The following CDK5RAP1 variants were observed in gnomAD, a reference collection of about 807,000 sequenced individuals.
CDK5RAP1 encodes the protein mitochondrial tRNA methylthiotransferase CDK5RAP1.
Under a neutral mutation model 64.5 loss-of-function variants are expected in CDK5RAP1, and 62 were observed. The ratio of observed to expected loss-of-function variants is 0.96; its 90% CI spans 0.78 to 1.19. CDK5RAP1 has a LOEUF of 1.19. Ranked by LOEUF, CDK5RAP1 falls within the 50% of genes most tolerant of loss-of-function variation. CDK5RAP1 has a pLI of 0.00. For missense variants in CDK5RAP1, 657 were observed against 735.0 expected, an observed-to-expected ratio of 0.89 and a Z score of 1.23; for synonymous variants, 250 against 261.9, an observed-to-expected ratio of 0.95 and a Z score of 0.44.
chr20:33,387,186 G>T, intron 6 of CDK5RAP1, 137 bp downstream of exon 6: 1 of 654,518 alleles, frequency 1.5e-6, no homozygotes, highest in Non-Finnish European at 2.6e-6. Flanking sequence ...AGCCCAGGAG[G>T]TCAAGGCTGC....
Position 33,379,689 on chromosome 20 carries a change from C to T in CDK5RAP1, c.879G>A (p.Gly293=). Residue 293 remains glycine, a splice_region_variant and synonymous_variant, in exon 8 of 14, where the codon GGG becomes GGA. Coordinates refer to ENST00000346416, the MANE Select transcript of CDK5RAP1 (RefSeq NM_016408.4). The stretch of plus-strand genomic sequence containing the variant: ...GACCAAGAAGTGTCACTTCTTTCAG[C>T]CCCTAAACATGGGAAAATATATTGG... ...LEEVKKLSEQ[G]LKEVTLLGQN... 6.2e-7 allele frequency: 1 copy of T among 1,609,470 alleles called. No homozygotes were observed. Among genetic ancestry groups the T allele is most frequent in the Non-Finnish European group, 8.5e-7 (1 of 1,176,276 alleles).
chr20:33,372,820 G>A (rs576953397), intron 9 of CDK5RAP1, 123 bp from the exon 10 acceptor site: 18 of 642,278 alleles, frequency 2.8e-5, no homozygotes, highest in African/African-American at 1.9e-4. Flanking sequence ...CAGGGCACAC[G>A]AGTAAATTAA....
At chr20:33,375,485 C>A (rs911016129) in intron 8 of CDK5RAP1, among the ~76,000 whole-genome samples, 1 of 151,350 alleles carries the variant, frequency 6.6e-6, no homozygotes, top group African/African-American at 2.4e-5. Flanking sequence ...GCAAGAAAGG[C>A]TCCTTTGCAG....
In CDK5RAP1 at chr20:33,395,055, G is replaced by C; in HGVS notation, c.366C>G (p.Ile122Met). 3.1e-6 allele frequency: 5 copies of C among 1,613,550 alleles called. No individual in the cohort carries two copies. In the South Asian group the frequency reaches 3.3e-5, roughly 11 times the overall value. The change falls in exon 3 of 14, where the codon ATC becomes ATG. Residue 122 changes from isoleucine (I) to methionine (M), a missense_variant. Transcript: ENST00000346416. ...TCCGCAGGTAGCCACTCTTCTGTAA[G>C]ATGGACCAGGCTATCTCTGTGTCAT... ...NVNDTEIAWS[I>M]LQKSGYLRTS...
At chr20:33,378,612 T>C (rs1290096748) in intron 8 of CDK5RAP1, among the ~76,000 whole-genome samples, 1 of 152,190 alleles carries the variant, frequency 6.6e-6, no homozygotes, top group Admixed American at 6.5e-5. Context: ...AGGTATGCCT[T>C]TGTATCTATT....
chr20:33,380,502 G>C (rs1006180186), intron 7 of CDK5RAP1, among the ~76,000 whole-genome samples: 3 of 152,052 alleles, frequency 2.0e-5, no homozygotes, highest in African/African-American at 2.4e-5. Flanking sequence ...TCATACATAT[G>C]ATAATGATAT....
rs115954355 is a variant in CDK5RAP1, at chr20:33,392,883, C to A, written c.444-641G>T. Among the ~76,000 whole-genome samples, 1,145 of 148,312 alleles carry A rather than the reference C, an allele frequency of 7.7e-3. 10 individuals are homozygous for A. Among genetic ancestry groups the A allele is most frequent in the African/African-American group, 0.026 (1,083 of 40,954 alleles). On this transcript the variant is annotated intron_variant, in intron 4 of 13. Coordinates refer to ENST00000346416, the MANE Select transcript of CDK5RAP1 (RefSeq NM_016408.4). ...GATTTTTCCCTATACTTAGCAATTT[C>A]TCCTTTTTTTTTTTTGAGATGGAGT...
chr20:33,367,013 T>TAAAA lies in CDK5RAP1; in HGVS notation c.1393-9_1393-6dup, dbSNP rs368904466. ...CCTATGATATGCCCGTGTCTTCTAT[T>TAAAA]AAAAAAAAAAAAAAGAGAGAAGATG... is the stretch of plus-strand genomic sequence containing the variant. On this transcript the variant is annotated splice_polypyrimidine_tract_variant and splice_region_variant and intron_variant, in intron 11 of 13. Coordinates refer to ENST00000346416, the MANE Select transcript of CDK5RAP1 (RefSeq NM_016408.4). 3.2e-4 allele frequency: 467 copies of TAAAA among 1,460,346 alleles called. No individual in the cohort carries two copies. The highest frequency in any genetic ancestry group is 5.1e-4 in the Admixed American group (25 of 48,684). The allele number at this position is 1,460,346 out of a possible 1,614,324, so 90.5% of individuals were successfully genotyped here.
In CDK5RAP1 at chr20:33,368,492, A is replaced by G. The variant is rs1414746431; in HGVS notation, c.1393-1484T>C. Among the ~76,000 whole-genome samples, 4 of 63,056 alleles carry G rather than the reference A, an allele frequency of 6.3e-5. No homozygotes were observed. In the East Asian group the frequency reaches 1.5e-3, roughly 23 times the overall value. The allele number at this position is 63,056 out of a possible 152,430, so 41.4% of individuals were successfully genotyped here. A position where few individuals can be genotyped will look rare whatever the true frequency, so the allele number is the denominator to read the frequency against. ...TTTTTTTTTTTTTTTTTTTTTTGGT[A>G]GAGAAGGGTCTCCCTATGTTACCCA... is the stretch of plus-strand genomic sequence containing the variant. On this transcript the variant is annotated intron_variant, in intron 11 of 13. Coordinates refer to ENST00000346416, the MANE Select transcript of CDK5RAP1 (RefSeq NM_016408.4).
At chr20:33,359,208 C>T (rs1170314472) in intron 13 of CDK5RAP1, 85 bp from the exon 14 acceptor site, 1 of 1,034,762 alleles carries the variant, frequency 9.7e-7, no homozygotes, top group Non-Finnish European at 1.5e-6. Context: ...GGAGAAGCCC[C>T]CAAAAGGAAT....
At chr20:33,401,289 G>A in intron 1 of CDK5RAP1, 139 bp downstream of exon 1, 1 of 612,670 alleles carries the variant, frequency 1.6e-6, no homozygotes, top group African/African-American at 2.0e-5. Flanking sequence ...CCTACAGCCT[G>A]ACGCCAGGCC....
At chr20:33,385,841 A>T (rs1226485554) in intron 6 of CDK5RAP1, 71 bp from the exon 7 acceptor site, 8 of 1,394,128 alleles carry the variant, frequency 5.7e-6, no homozygotes, top group Non-Finnish European at 7.8e-6. Flanking sequence ...AGCAGGACTC[A>T]GCTTCAATAG....
chr20:33,379,356 A>C, intron 8 of CDK5RAP1, 105 bp downstream of exon 8: 1 of 739,572 alleles, frequency 1.4e-6, no homozygotes, highest in South Asian at 1.7e-5. Context: ...ACCCCACAGG[A>C]TCCCTAAGCA....
intron 1 of CDK5RAP1, among the ~76,000 whole-genome samples, chr20:33,398,676 C>T (rs962125136): frequency 6.6e-6 from 1 of 152,072 alleles, no homozygotes; most frequent in Non-Finnish European, 1.5e-5. Flanking sequence ...CCTATAATCC[C>T]AGCATTTTGG....
At chr20:33,360,583 A>G (rs1208014873) in intron 12 of CDK5RAP1, 92 bp from the exon 13 acceptor site, 15 of 1,170,504 alleles carry the variant, frequency 1.3e-5, no homozygotes, top group Admixed American at 2.3e-5. Flanking sequence ...CGGATCCCCA[A>G]GAGTCTGACC....
chr20:33,372,879 C>A, intron 9 of CDK5RAP1, 182 bp from the exon 10 acceptor site: 2 of 414,238 alleles, frequency 4.8e-6, no homozygotes, highest in Non-Finnish European at 8.5e-6. Flanking sequence ...CTAATCTAAT[C>A]TAGAGCCTAT....
chr20:33,375,871 A>T lies in CDK5RAP1; in HGVS notation c.1108-1659T>A, dbSNP rs114842111. ...TAATTTCATTATATTTATATTTTTT[A>T]AATATATCGAGATAGGGTTTCACTC... On this transcript the variant is annotated intron_variant, in intron 8 of 13. Coordinates refer to ENST00000346416, the MANE Select transcript of CDK5RAP1 (RefSeq NM_016408.4). Among the ~76,000 whole-genome samples the T allele has an allele frequency of 7.1e-3, 1,081 of 152,234 alleles. 14 individuals carry two copies. Among genetic ancestry groups the T allele is most frequent in the African/African-American group, 0.025 (1,021 of 41,534 alleles).
chr20:33,395,118 T>C lies in CDK5RAP1; in HGVS notation c.305-2A>G, dbSNP rs1412585704. Reference sequence around the variant, plus strand: ...GGCAGCCATAGGTCTCGAGGTAGACTGCAGTGAGAGGTTGGGGGGAATCCA... The same window carrying C: ...GGCAGCCATAGGTCTCGAGGTAGACCGCAGTGAGAGGTTGGGGGGAATCCA... On this transcript the variant is annotated splice_acceptor_variant, in intron 2 of 13. Coordinates refer to ENST00000346416, the MANE Select transcript of CDK5RAP1 (RefSeq NM_016408.4). LOFTEE classifies it high-confidence loss of function. 6.3e-7 allele frequency: 1 copy of C among 1,583,032 alleles called. No individual in the cohort carries two copies. Among genetic ancestry groups the C allele is most frequent in the Non-Finnish European group, 8.7e-7 (1 of 1,151,958 alleles).
chr20:33,372,500 GGAGA>G (rs1195495380), intron 10 of CDK5RAP1, 138 bp downstream of exon 10: 7 of 493,982 alleles, frequency 1.4e-5, no homozygotes, highest in Admixed American at 7.4e-5. Context: ...AAGAATACGA[GGAGA>G]GAGAAAGAGA....
Sources: allele counts gnomAD v4.1 joint callset (sites outside exome capture counted in the v4.1 genomes callset), GRCh38; gene constraint gnomAD v4.1.1; transcripts MANE v1.5; gene names NCBI Gene and HGNC (gene_info 2026-07-23, HGNC 2026-07-21).